Variants in GABRA4 observed in about 807,000 individuals in gnomAD.
GABRA4 encodes the protein gamma-aminobutyric acid receptor subunit alpha-4.
In GABRA4, 12 loss-of-function variants were observed where a neutral mutation model predicts 49.7. The observed-to-expected ratio is 0.24, with a 90% CI of 0.15 to 0.39. GABRA4 has a LOEUF of 0.39. GABRA4 is among the 10% of genes least tolerant of loss of function. GABRA4 has a pLI of 1.00. For missense variants in GABRA4, 506 were observed against 686.0 expected (o/e 0.74, Z 2.93); for synonymous variants, 288 against 240.2 (o/e 1.20, Z -1.84).
chr4:46,975,088 G>C (rs1363133290), intron 5 of GABRA4, among the ~76,000 whole-genome samples: 1 of 151,910 alleles, frequency 6.6e-6, no homozygotes, highest in Non-Finnish European at 1.5e-5. Flanking sequence ...GGCACTCTGT[G>C]CAAATGGAGA....
Position 46,986,674 on chromosome 4 carries a change from A to G in GABRA4, c.205+6154T>C, listed in dbSNP as rs537108508. 7.9e-5 allele frequency among the ~76,000 whole-genome samples: 12 copies of G among 152,188 alleles called. No homozygotes were observed. The East Asian group carries it at 2.1e-3, about 27-fold the overall frequency. On this transcript the variant is annotated intron_variant, in intron 2 of 8. Coordinates refer to ENST00000264318, the MANE Select transcript of GABRA4 (RefSeq NM_000809.4). ...TATCATGTATATTGACATACTCATG[A>G]TCCCTGAATTTCAGGTTCATCTCCA...
At chr4:46,957,171 C>A (rs1447213714) in intron 8 of GABRA4, among the ~76,000 whole-genome samples, 3 of 151,784 alleles carry the variant, frequency 2.0e-5, no homozygotes, top group Admixed American at 1.3e-4. Context: ...ATTATTACCC[C>A]CACTTTAAGG....
chr4:46,989,444 A>C (rs1171361525), intron 2 of GABRA4, among the ~76,000 whole-genome samples: 1 of 152,160 alleles, frequency 6.6e-6, no homozygotes, highest in Non-Finnish European at 1.5e-5. Context: ...GAAGTCGGAA[A>C]CCAGCTTCTG....
At chr4:46,968,517 T>C (rs939501561) in intron 7 of GABRA4, among the ~76,000 whole-genome samples, 2 of 151,652 alleles carry the variant, frequency 1.3e-5, no homozygotes, top group African/African-American at 4.8e-5. Flanking sequence ...ACAGAAATTG[T>C]CTTGGGTCCA....
chr4:46,955,230 C>T (rs558514973), intron 8 of GABRA4, among the ~76,000 whole-genome samples: 1 of 152,174 alleles, frequency 6.6e-6, no homozygotes, highest in East Asian at 1.9e-4. Context: ...CCATATTATA[C>T]TATGTTGCCT....
At chr4:46,991,895 G>A (rs1467101115) in intron 2 of GABRA4, among the ~76,000 whole-genome samples, 1 of 152,114 alleles carries the variant, frequency 6.6e-6, no homozygotes, top group Non-Finnish European at 1.5e-5. Context: ...GCTCCTTTAA[G>A]GCAGAATCTC....
At chr4:46,985,867 T>C (rs1723515569) in intron 2 of GABRA4, among the ~76,000 whole-genome samples, 1 of 152,018 alleles carries the variant, frequency 6.6e-6, no homozygotes, top group African/African-American at 2.4e-5. Flanking sequence ...ACGTATTTCT[T>C]TCAGCTATGC....
chr4:46,964,870 G>T, intron 8 of GABRA4, 100 bp downstream of exon 8: 1 of 1,244,990 alleles, frequency 8.0e-7, no homozygotes, highest in South Asian at 1.6e-5. Context: ...TGACTTACAA[G>T]TTGATATCAG....
rs771469660 is a variant in GABRA4 at position 46,974,222 on chromosome 4, C to T, written c.721+10G>A. On this transcript the variant is annotated intron_variant, in intron 6 of 8. Coordinates refer to ENST00000264318, the MANE Select transcript of GABRA4 (RefSeq NM_000809.4). ...AGTAGCATGTCGGCTTTAATCATTACACATCTCACCCGTAATTGATTTGAT... is the reference window on the plus strand; with the variant it reads ...AGTAGCATGTCGGCTTTAATCATTATACATCTCACCCGTAATTGATTTGAT... 1.9e-6 allele frequency: 3 copies of T among 1,608,858 alleles called. No individual in the cohort carries two copies. Among genetic ancestry groups the T allele is most frequent in the Non-Finnish European group, 1.7e-6 (2 of 1,177,116 alleles).
chr4:46,930,346 A>C (rs923267550), intron 8 of GABRA4, among the ~76,000 whole-genome samples: 1 of 152,106 alleles, frequency 6.6e-6, no homozygotes, highest in Non-Finnish European at 1.5e-5. Context: ...ATTAATCCTC[A>C]GATTTTGAAT....
In GABRA4 at chr4:46,988,844, G is replaced by T. The variant is rs569415124; in HGVS notation, c.205+3984C>A. ...GCAATAAACCAGCTGCCTGACTAAGGTTTTAAAGATGAGGGTGTGTGTTGT... is the reference window on the plus strand; with the variant it reads ...GCAATAAACCAGCTGCCTGACTAAGTTTTTAAAGATGAGGGTGTGTGTTGT... On this transcript the variant is annotated intron_variant, in intron 2 of 8. Transcript: ENST00000264318. 5.0e-4 allele frequency among the ~76,000 whole-genome samples: 76 copies of T among 152,244 alleles called. 1 individual carries two copies. Among genetic ancestry groups the T allele is most frequent in the African/African-American group, 1.7e-3 (71 of 41,548 alleles).
At chr4:46,934,033 A>T (rs979412110) in intron 8 of GABRA4, among the ~76,000 whole-genome samples, 2 of 152,152 alleles carry the variant, frequency 1.3e-5, no homozygotes, top group African/African-American at 4.8e-5. Flanking sequence ...ATCTCAACTT[A>T]TGACTCTAGC....
At chr4:46,978,470 C>T (rs1356675646) in intron 3 of GABRA4, among the ~76,000 whole-genome samples, 1 of 151,194 alleles carries the variant, frequency 6.6e-6, no homozygotes, top group Non-Finnish European at 1.5e-5. Flanking sequence ...AGAGGATCAC[C>T]TGAGGTCAGG....
chr4:46,938,260 G>T (rs1490743197), intron 8 of GABRA4, among the ~76,000 whole-genome samples: 1 of 152,000 alleles, frequency 6.6e-6, no homozygotes, highest in African/African-American at 2.4e-5. Flanking sequence ...GACAATATTT[G>T]CACAATGCTT....
chr4:46,975,253 T>C (rs1877401), intron 5 of GABRA4, among the ~76,000 whole-genome samples: 1 of 152,012 alleles, frequency 6.6e-6, no homozygotes, highest in Non-Finnish European at 1.5e-5. Flanking sequence ...ATTTAATTCT[T>C]CAAAAGGAGT....
At chr4:46,944,087 T>C (rs1721904119) in intron 8 of GABRA4, among the ~76,000 whole-genome samples, 2 of 152,116 alleles carry the variant, frequency 1.3e-5, no homozygotes, top group Admixed American at 1.3e-4. Flanking sequence ...TTAATCATAC[T>C]GTATTGTATA....
chr4:46,953,766 G>T (rs902929462), intron 8 of GABRA4, among the ~76,000 whole-genome samples: 14 of 152,092 alleles, frequency 9.2e-5, no homozygotes, highest in African/African-American at 3.1e-4. Context: ...TTCAAAGTAT[G>T]GCTTACACTT....
chr4:46,933,904 A>G (rs1191412220), intron 8 of GABRA4, among the ~76,000 whole-genome samples: 1 of 152,214 alleles, frequency 6.6e-6, no homozygotes, highest in Non-Finnish European at 1.5e-5. Flanking sequence ...GTAGATTTAA[A>G]CATTACCAAC....
intron 8 of GABRA4, among the ~76,000 whole-genome samples, chr4:46,960,282 G>A (rs1722525962): frequency 6.6e-6 from 1 of 151,468 alleles, no homozygotes; most frequent in South Asian, 2.1e-4. Context: ...GCATTAAAAT[G>A]TATAAAATAA....
Sources: allele counts gnomAD v4.1 joint callset (sites outside exome capture counted in the v4.1 genomes callset), GRCh38; gene constraint gnomAD v4.1.1; transcripts MANE v1.5; gene names NCBI Gene and HGNC (gene_info 2026-07-23, HGNC 2026-07-21).